ACIN1: variants seen among roughly 807,000 people sequenced by gnomAD.
ACIN1 encodes the protein apoptotic chromatin condensation inducer 1.
A neutral mutation model predicts 146.6 loss-of-function variants in ACIN1; 16 were observed. That is an observed-to-expected ratio of 0.11 (90% CI 0.07 to 0.17). The LOEUF is 0.17. Among genes scored for constraint, ACIN1 ranks in the 10% least tolerant of loss-of-function variants. The pLI is 1.00. For synonymous variants in ACIN1, 569 were observed against 582.7 expected (o/e 0.98, Z 0.34); for missense variants, 1,357 against 1,609.3 (o/e 0.84, Z 2.68).
intron 8 of ACIN1, among the ~76,000 whole-genome samples, chr14:23,075,176 T>C (rs2047766362): frequency 1.3e-5 from 2 of 152,278 alleles, no homozygotes; most frequent in African/African-American, 2.4e-5. Flanking sequence ...AGGACAAACA[T>C]GCATTGTACC....
chr14:23,073,568 G>C (rs2047720218), intron 8 of ACIN1, among the ~76,000 whole-genome samples: 1 of 152,210 alleles, frequency 6.6e-6, no homozygotes, highest in African/African-American at 2.4e-5. Context: ...TGAGGCAGGA[G>C]AATCACTTGA....
At chr14:23,062,624 T>C in intron 14 of ACIN1, 101 bp from the exon 15 acceptor site, 3 of 1,163,828 alleles carry the variant, frequency 2.6e-6, no homozygotes, top group Non-Finnish European at 2.6e-6. Flanking sequence ...GTTTCAAGGT[T>C]TGGGGGAGGG....
chr14:23,092,366 G>A (rs897632748), intron 2 of ACIN1, among the ~76,000 whole-genome samples: 1 of 99,710 alleles, frequency 1.0e-5, no homozygotes, highest in Non-Finnish European at 2.5e-5. Flanking sequence ...AGGCATGTTT[G>A]CTGCACAAAC....
At chr14:23,082,598 CCAT>C (rs1179760399) in intron 4 of ACIN1, among the ~76,000 whole-genome samples, 1 of 152,118 alleles carries the variant, frequency 6.6e-6, no homozygotes, top group Admixed American at 6.5e-5. Flanking sequence ...GTGCCCACCA[CCAT>C]GCCTGGCTAA....
intron 4 of ACIN1, among the ~76,000 whole-genome samples, chr14:23,087,912 CCT>C (rs753438507): frequency 1.1e-4 from 16 of 152,178 alleles, no homozygotes; most frequent in Non-Finnish European, 7.3e-5. Flanking sequence ...CTTCTTGTAT[CCT>C]CTCTGCCAAA....
In ACIN1 at chr14:23,078,967, C is replaced by T. The variant is rs1450649405; in HGVS notation, c.1860G>A (p.Gln620=). The T allele has an allele frequency of 6.2e-7, 1 of 1,614,226 alleles. No individual in the cohort carries two copies. The highest frequency in any genetic ancestry group is 1.1e-5 in the South Asian group (1 of 91,086). ...GTGGCACTGGTGGAGTTGCAACCTCCTGACCAGAAGAGGGATCTTTGGTTT... is the reference window on the plus strand; with the variant it reads ...GTGGCACTGGTGGAGTTGCAACCTCTTGACCAGAAGAGGGATCTTTGGTTT... The part of the protein sequence containing the change: ...YTETKDPSSG[Q]EVATPPVPQL... Residue 620 remains glutamine, a synonymous_variant, in exon 7 of 19, where the codon CAG becomes CAA. Transcript: ENST00000605057.
At chr14:23,094,576 C>A in intron 1 of ACIN1, 1 of 979,318 alleles carries the variant, frequency 1.0e-6, no homozygotes, top group Non-Finnish European at 1.2e-6. Flanking sequence ...CACCCCTTCG[C>A]GCAACTATAC....
intron 4 of ACIN1, among the ~76,000 whole-genome samples, chr14:23,083,770 AC>A (rs1454215962): frequency 6.6e-6 from 1 of 152,208 alleles, no homozygotes; most frequent in Non-Finnish European, 1.5e-5. Flanking sequence ...AGCAATACTA[AC>A]ATCAATGAGA....
chr14:23,061,916 G>A (rs923007312), intron 16 of ACIN1, among the ~76,000 whole-genome samples: 1 of 147,104 alleles, frequency 6.8e-6, no homozygotes, highest in Non-Finnish European at 1.5e-5. Flanking sequence ...GGAGCTTGCA[G>A]TGAGCTGAGA....
intron 16 of ACIN1, among the ~76,000 whole-genome samples, chr14:23,061,930 C>T (rs942564916): frequency 1.2e-4 from 18 of 144,054 alleles, no homozygotes; most frequent in Admixed American, 6.3e-4. Flanking sequence ...GCTGAGATCG[C>T]GCCACTGCAC....
At chr14:23,071,344 A>C in intron 8 of ACIN1, 1 of 1,517,494 alleles carries the variant, frequency 6.6e-7, no homozygotes, top group Non-Finnish European at 8.8e-7. Flanking sequence ...GATCCAAAAA[A>C]TGGTAAATGG....
chr14:23,078,737 CTTT>C (rs2047865045), intron 7 of ACIN1, 80 bp downstream of exon 7: 1 of 1,432,700 alleles, frequency 7.0e-7, no homozygotes, highest in Admixed American at 2.3e-5. Flanking sequence ...CCAGACTTAA[CTTT>C]TTAGTTTTAT....
intron 2 of ACIN1, 146 bp from the exon 3 acceptor site, chr14:23,090,779 T>C: frequency 1.7e-6 from 1 of 584,456 alleles, no homozygotes; most frequent in South Asian, 2.4e-5. Flanking sequence ...TCTAAGTTAG[T>C]TCTATATTGA....
chr14:23,068,149 A>C lies in ACIN1; in HGVS notation c.2265+1327T>G. 1.0e-6 allele frequency: 1 copy of C among 985,964 alleles called. No homozygotes were observed. The highest frequency in any genetic ancestry group is 1.2e-6 in the Non-Finnish European group (1 of 829,986). 61.1% of individuals were successfully genotyped at this position (985,964 alleles called of 1,614,324 possible). A position where few individuals can be genotyped will look rare whatever the true frequency, so the allele number is the denominator to read the frequency against. ...ATCAGCATTAAATCCCCAGGGGCTCAGACCCTAGACTCCTCTGCACGGTTC... is the reference window on the plus strand; with the variant it reads ...ATCAGCATTAAATCCCCAGGGGCTCCGACCCTAGACTCCTCTGCACGGTTC... On this transcript the variant is annotated intron_variant, in intron 9 of 18. Transcript: ENST00000605057. This position sits in a 1 kb window ranked among gnomAD's most constrained non-coding sequence, Gnocchi z 4.3.
chr14:23,086,159 AC>A (rs1204861423), intron 4 of ACIN1, among the ~76,000 whole-genome samples: 2 of 152,204 alleles, frequency 1.3e-5, no homozygotes, highest in Non-Finnish European at 2.9e-5. Flanking sequence ...ACAATGCCAA[AC>A]CTAAATCTGA....
intron 1 of ACIN1, among the ~76,000 whole-genome samples, chr14:23,093,880 T>G (rs1373784238): frequency 6.6e-6 from 1 of 152,220 alleles, no homozygotes; most frequent in African/African-American, 2.4e-5. Flanking sequence ...CTTCTAAATC[T>G]GATCATGCAT....
rs777308932 is a variant in ACIN1 at position 23,080,416 on chromosome 14, ATGT to A, written c.916_918del (p.Thr306del). Reference sequence around the variant, plus strand: ...TCTCTTTCTTCCTCCTCAAGGGGAGATGTTGTTTTCATTTCCTTCTCCTGCTGC... The same window carrying A: ...TCTCTTTCTTCCTCCTCAAGGGGAGATGTTTTCATTTCCTTCTCCTGCTGC... On this transcript the variant is annotated inframe_deletion, in exon 6 of 19. Coordinates refer to ENST00000605057, the MANE Select transcript of ACIN1 (RefSeq NM_001386863.1). 1.2e-6 allele frequency: 2 copies of A among 1,613,580 alleles called. No individual in the cohort carries two copies. The highest frequency in any genetic ancestry group is 3.3e-5 in the Admixed American group (2 of 59,956).
rs1371550293 is a variant in ACIN1, at chr14:23,059,385, C to T, written c.3615G>A (p.Arg1205=). The change falls in exon 19 of 19, where the codon CGG becomes CGA. Residue 1205 remains arginine, a synonymous_variant. Transcript: ENST00000605057. ...KEQEEEEQKE[R]EKEAERERNR... ...TCCGTTCCCGCTCGGCTTCCTTCTC[C>T]CGCTCCTTTTGCTCTTCTTCTTCTT... is the stretch of plus-strand genomic sequence containing the variant. 3.1e-6 allele frequency: 5 copies of T among 1,613,810 alleles called. No individual in the cohort carries two copies. In the African/African-American group the frequency reaches 5.3e-5, roughly 17 times the overall value.
intron 2 of ACIN1, among the ~76,000 whole-genome samples, chr14:23,091,626 AT>A (rs149184878): frequency 0.027 from 3,784 of 137,866 alleles, 127 homozygotes; most frequent in African/African-American, 0.092. Context: ...TCCAGGAAAC[AT>A]TTTTTTTTTT....
Sources: allele counts gnomAD v4.1 joint callset (sites outside exome capture counted in the v4.1 genomes callset), GRCh38; gene constraint gnomAD v4.1.1; non-coding constraint Gnocchi (gnomAD v3.1); transcripts MANE v1.5; gene names NCBI Gene and HGNC (gene_info 2026-07-23, HGNC 2026-07-21).